Variants in RNF130 observed in about 807,000 individuals in gnomAD.
RNF130 encodes E3 ubiquitin-protein ligase RNF130.
Under a neutral mutation model 44.6 loss-of-function variants are expected in RNF130, and 21 were observed. That is an observed-to-expected ratio of 0.47 (90% CI 0.33 to 0.68). The LOEUF (loss-of-function observed/expected upper bound fraction) is 0.68. Ranked by LOEUF, RNF130 falls within the 30% of genes least tolerant of loss-of-function variation. The pLI, the probability that RNF130 is intolerant of heterozygous loss-of-function variation, is 0.02. For synonymous variants in RNF130, 214 were observed against 210.4 expected, an observed-to-expected ratio of 1.02 and a Z score of -0.15; for missense variants, 479 against 560.6, an observed-to-expected ratio of 0.85 and a Z score of 1.47.
chr5:179,916,152 C>A (rs973264317), exon 8 of RNF130: 1 of 152,152 alleles, frequency 6.6e-6, no homozygotes, highest in African/African-American at 2.4e-5. Context: ...CCGACATTAA[C>A]GTCACCTCGT....
chr5:179,957,950 T>G (rs909272210), intron 8 of RNF130, among the ~76,000 whole-genome samples: 102 of 150,974 alleles, frequency 6.8e-4, no homozygotes, highest in Non-Finnish European at 2.1e-4. Flanking sequence ...GGATCTCGGC[T>G]CACTGCAAGC....
chr5:179,941,319 G>A (rs1481800657), intron 7 of RNF130, among the ~76,000 whole-genome samples: 3 of 152,190 alleles, frequency 2.0e-5, no homozygotes, highest in Non-Finnish European at 2.9e-5. Context: ...TGGAAGTGAC[G>A]TATCACTTTT....
chr5:180,055,214 A>C (rs887246683), intron 1 of RNF130, among the ~76,000 whole-genome samples: 1 of 125,364 alleles, frequency 8.0e-6, no homozygotes, highest in African/African-American at 3.0e-5. Context: ...GAGCCACTAT[A>C]CTCCAGCCTG....
chr5:179,961,284 A>G (rs1762323028), intron 8 of RNF130, among the ~76,000 whole-genome samples: 1 of 152,216 alleles, frequency 6.6e-6, no homozygotes, highest in African/African-American at 2.4e-5. Context: ...AAATGGGATC[A>G]TGAATATTGT....
chr5:180,023,765 A>G (rs896635543), intron 2 of RNF130, among the ~76,000 whole-genome samples: 14 of 152,262 alleles, frequency 9.2e-5, no homozygotes, highest in African/African-American at 3.4e-4. Flanking sequence ...CCCATGCAGA[A>G]AAATTCCAAA....
At chr5:179,939,588 A>AGAAGTT (rs1186818435) in intron 7 of RNF130, 2 of 376,188 alleles carry the variant, frequency 5.3e-6, no homozygotes, top group Non-Finnish European at 1.0e-5. Flanking sequence ...CATTTCTAGT[A>AGAAGTT]GAAGTTGATA....
intron 5 of RNF130, among the ~76,000 whole-genome samples, chr5:179,972,575 A>G (rs1490152651): frequency 3.4e-5 from 5 of 146,716 alleles, no homozygotes; most frequent in Admixed American, 2.0e-4. Flanking sequence ...CTGGTGCAGG[A>G]GTGAGAGGTA....
At chr5:180,041,324 A>G (rs1764413612) in intron 1 of RNF130, among the ~76,000 whole-genome samples, 1 of 152,248 alleles carries the variant, frequency 6.6e-6, no homozygotes, top group Non-Finnish European at 1.5e-5. Context: ...CCGTATCAAG[A>G]TACACTTACT....
rs189654953 is a variant in RNF130 at position 180,014,342 on chromosome 5, G to A, written c.443-1031C>T. On this transcript the variant is annotated intron_variant, in intron 2 of 8. Coordinates refer to ENST00000521389, the MANE Select transcript of RNF130 (RefSeq NM_018434.6). ...CAGAGAAACTTCTATCAATCTATCAGCGATTGTCCTTTCATAAGCTGAAGC... is the reference window on the plus strand; with the variant it reads ...CAGAGAAACTTCTATCAATCTATCAACGATTGTCCTTTCATAAGCTGAAGC... 4.6e-5 allele frequency among the ~76,000 whole-genome samples: 7 copies of A among 152,262 alleles called. No homozygotes were observed. In the East Asian group the frequency reaches 9.7e-4, roughly 21 times the overall value.
At chr5:180,023,300 C>G (rs915087102) in intron 2 of RNF130, among the ~76,000 whole-genome samples, 2 of 152,140 alleles carry the variant, frequency 1.3e-5, no homozygotes, top group African/African-American at 4.8e-5. Context: ...GCTGAGAAGG[C>G]CCAGAAGCAA....
chr5:179,955,694 GT>G (rs761036559), intron 8 of RNF130, 25 bp from the exon 9 acceptor site: 1 of 1,554,654 alleles, frequency 6.4e-7, no homozygotes, highest in East Asian at 2.3e-5. Context: ...GAAAAAAGAG[GT>G]CATAAATTAA....
intron 3 of RNF130, among the ~76,000 whole-genome samples, chr5:180,007,992 T>TG (rs1013411778): frequency 6.6e-6 from 1 of 150,418 alleles, no homozygotes; most frequent in Non-Finnish European, 1.5e-5. Flanking sequence ...CTTTTAGTTT[T>TG]TTTTTTTTTT....
rs1359261293 is a variant in RNF130, at chr5:179,927,805, T to C, written c.1151-7379A>G. ...TAGGCTTTCACCATGTTAGCCAGGA[T>C]GGTCTCGATCTCCTGACCTCATGAT... is the stretch of plus-strand genomic sequence containing the variant. On this transcript the variant is annotated intron_variant, in intron 7 of 7. Transcript: ENST00000522208. 7.2e-5 allele frequency among the ~76,000 whole-genome samples: 11 copies of C among 152,204 alleles called. No homozygotes were observed. In the East Asian group the frequency reaches 1.9e-3, roughly 27 times the overall value.
chr5:179,971,370 TTTTG>T (rs957699726), intron 5 of RNF130, among the ~76,000 whole-genome samples: 5 of 151,996 alleles, frequency 3.3e-5, no homozygotes, highest in East Asian at 1.9e-4. Context: ...TAAAAGAAAT[TTTTG>T]TTTGTTTGTT....
chr5:180,001,892 G>A (rs1763353626), intron 3 of RNF130, among the ~76,000 whole-genome samples: 1 of 152,200 alleles, frequency 6.6e-6, no homozygotes, highest in Non-Finnish European at 1.5e-5. Flanking sequence ...TCTACGGCCT[G>A]TAAGGGCAAG....
In RNF130 at chr5:179,970,618, T is replaced by C. The variant is rs375009616; in HGVS notation, c.849-112A>G. On this transcript the variant is annotated intron_variant, in intron 5 of 8. Coordinates refer to ENST00000521389, the MANE Select transcript of RNF130 (RefSeq NM_018434.6). ...GTTTTCTTTTCCCCCTTTCAGGACA[T>C]ATTTTAAGCCCCAAGAGACAAATAT... 5.3e-6 allele frequency: 4 copies of C among 760,118 alleles called. No individual in the cohort carries two copies. The South Asian group carries it at 5.7e-5, about 11-fold the overall frequency. The allele number at this position is 760,118 out of a possible 1,614,324, so 47.1% of individuals were successfully genotyped here.
intron 3 of RNF130, among the ~76,000 whole-genome samples, chr5:180,006,478 G>C (rs1763465345): frequency 6.6e-6 from 1 of 152,078 alleles, no homozygotes; most frequent in African/African-American, 2.4e-5. Flanking sequence ...TTTCATTTCA[G>C]CAACCCTGAG....
intron 2 of RNF130, among the ~76,000 whole-genome samples, chr5:180,037,689 GAA>G (rs1764280366): frequency 6.6e-6 from 1 of 152,166 alleles, no homozygotes; most frequent in African/African-American, 2.4e-5. Context: ...TTTAAAGATG[GAA>G]AAGTACTCTA....
intron 3 of RNF130, among the ~76,000 whole-genome samples, chr5:179,981,555 C>T (rs1462747841): frequency 6.6e-6 from 1 of 152,192 alleles, no homozygotes; most frequent in Non-Finnish European, 1.5e-5. Context: ...TCATCTGTTT[C>T]CCTCTTTACT....
Sources: gnomAD v4.1 joint callset for allele counts (sites outside exome capture counted in the v4.1 genomes callset) on GRCh38, gnomAD v4.1.1 for gene constraint, MANE v1.5 for transcripts, NCBI Gene and HGNC (gene_info 2026-07-23, HGNC 2026-07-21) for gene names.